CSMD3: variants seen among roughly 807,000 people sequenced by gnomAD.
CSMD3 encodes CUB and sushi domain-containing protein 3.
In CSMD3, 177 loss-of-function variants were observed where a neutral mutation model predicts 435.2. The ratio of observed to expected loss-of-function variants is 0.41; its 90% confidence interval spans 0.36 to 0.46. The LOEUF is 0.46. CSMD3 is among the 20% of genes least tolerant of loss of function. The probability of loss-of-function intolerance (pLI) is 0.34; values close to 1 mark genes in which losing one functional copy is unlikely to be tolerated. For missense variants in CSMD3, 4,265 were observed against 4,504.6 expected (o/e 0.95, Z 1.52); for synonymous variants, 1,656 against 1,520.5 (o/e 1.09, Z -2.07).
At chr8:113,358,405 T>C (rs1453275265) in intron 1 of CSMD3, among the ~76,000 whole-genome samples, 1 of 152,092 alleles carries the variant, frequency 6.6e-6, no homozygotes, top group Non-Finnish European at 1.5e-5. Context: ...CAGGCTGGAG[T>C]GCAGTGGCAT....
intron 4 of CSMD3, among the ~76,000 whole-genome samples, chr8:113,101,002 T>C (rs1330589023): frequency 6.6e-6 from 1 of 152,094 alleles, no homozygotes; most frequent in Non-Finnish European, 1.5e-5. Flanking sequence ...CTGAGATCTC[T>C]ATGAGCCTCC....
intron 17 of CSMD3, among the ~76,000 whole-genome samples, chr8:112,663,143 C>A (rs910723555): frequency 6.6e-6 from 1 of 152,058 alleles, no homozygotes; most frequent in Non-Finnish European, 1.5e-5. Context: ...TGGGTATATA[C>A]CCAAAGGATT....
chr8:112,743,252 C>T (rs1197982258), intron 13 of CSMD3, among the ~76,000 whole-genome samples: 2 of 150,456 alleles, frequency 1.3e-5, no homozygotes, highest in East Asian at 2.0e-4. Context: ...ATAATTTCCT[C>T]ATATTATAAA....
At chr8:113,027,476 T>C (rs2086917397) in intron 5 of CSMD3, among the ~76,000 whole-genome samples, 1 of 152,126 alleles carries the variant, frequency 6.6e-6, no homozygotes, top group African/African-American at 2.4e-5. Context: ...GTATGTAGAG[T>C]GTACAGATGT....
chr8:113,347,423 A>G (rs1458526554), intron 1 of CSMD3, among the ~76,000 whole-genome samples: 2 of 152,142 alleles, frequency 1.3e-5, no homozygotes, highest in East Asian at 3.9e-4. Context: ...AAGGCGTGTA[A>G]AGGTGAAAAT....
In CSMD3 at chr8:112,244,375, T is replaced by C; in HGVS notation, c.10402+19A>G. On this transcript the variant is annotated intron_variant, in intron 65 of 70. Transcript: ENST00000297405. ...AGTGCAATCTCTTGTGTTAAAAAGA[T>C]TCTATAGAGAAAACTTACCTTCACA... 1 of 1,599,424 alleles carries C rather than the reference T, an allele frequency of 6.3e-7. No individual in the cohort carries two copies. Among genetic ancestry groups the C allele is most frequent in the Non-Finnish European group, 8.6e-7 (1 of 1,167,434 alleles).
chr8:112,681,287 C>T (rs181873704), intron 16 of CSMD3, among the ~76,000 whole-genome samples: 44 of 151,684 alleles, frequency 2.9e-4, no homozygotes, highest in African/African-American at 1.0e-3. Context: ...CTCCTGATCT[C>T]GTGATCCGCC....
At chr8:113,298,997 A>G (rs992334525) in intron 2 of CSMD3, among the ~76,000 whole-genome samples, 6 of 152,208 alleles carry the variant, frequency 3.9e-5, no homozygotes, top group Admixed American at 2.0e-4. Flanking sequence ...TTTATACTGT[A>G]GTCTAACAGA....
chr8:112,921,471 A>AT (rs1201339610), intron 10 of CSMD3, among the ~76,000 whole-genome samples, 156 bp downstream of exon 10: 1 of 152,028 alleles, frequency 6.6e-6, no homozygotes, highest in Non-Finnish European at 1.5e-5. Flanking sequence ...ATTGATTCAC[A>AT]TTTTGCAGAT....
intron 13 of CSMD3, among the ~76,000 whole-genome samples, chr8:112,708,960 T>G (rs2076555314): frequency 6.6e-6 from 1 of 152,072 alleles, no homozygotes; most frequent in African/African-American, 2.4e-5. Context: ...TCCTTCCTTC[T>G]TTATTAACTA....
intron 22 of CSMD3, among the ~76,000 whole-genome samples, chr8:112,615,066 T>C (rs974280815): frequency 3.3e-5 from 5 of 152,104 alleles, no homozygotes; most frequent in Non-Finnish European, 5.9e-5. Context: ...TTATAGAATA[T>C]ACAGTTTAAA....
At chr8:113,213,673 C>T (rs1250774990) in intron 3 of CSMD3, among the ~76,000 whole-genome samples, 1 of 151,778 alleles carries the variant, frequency 6.6e-6, no homozygotes, top group Non-Finnish European at 1.5e-5. Flanking sequence ...AATTATGAAG[C>T]CCATACAGCA....
At chr8:113,158,377 G>T (rs1410857504) in intron 4 of CSMD3, among the ~76,000 whole-genome samples, 2 of 151,910 alleles carry the variant, frequency 1.3e-5, no homozygotes, top group African/African-American at 4.8e-5. Flanking sequence ...TGAAGTACAT[G>T]TATCATAAGG....
rs191015519 is a variant in CSMD3 at position 113,155,793 on chromosome 8, T to A, written c.709+17929A>T. On this transcript the variant is annotated intron_variant, in intron 4 of 70. Transcript: ENST00000297405. The stretch of plus-strand genomic sequence containing the variant: ...CTAATATGTATGGTAGAAAGTTTAA[T>A]ACAGATATATTCAGTATGTAACTGA... Among the ~76,000 whole-genome samples the A allele has an allele frequency of 5.2e-3, 788 of 152,148 alleles. 11 individuals carry two copies. The highest frequency in any genetic ancestry group is 0.018 in the African/African-American group (762 of 41,554).
intron 24 of CSMD3, among the ~76,000 whole-genome samples, chr8:112,562,786 T>C (rs1342032182): frequency 6.6e-6 from 1 of 151,776 alleles, no homozygotes; most frequent in Non-Finnish European, 1.5e-5. Context: ...TAAAATTCTT[T>C]ATATTTAAGT....
At chr8:112,591,234 C>G (rs897490781) in intron 22 of CSMD3, among the ~76,000 whole-genome samples, 4 of 151,630 alleles carry the variant, frequency 2.6e-5, no homozygotes, top group African/African-American at 9.7e-5. Flanking sequence ...TTCGAGTTAC[C>G]AATATGAAAC....
intron 12 of CSMD3, among the ~76,000 whole-genome samples, chr8:112,805,979 A>T (rs187988718): frequency 3.3e-5 from 5 of 152,286 alleles, no homozygotes; most frequent in Non-Finnish European, 7.4e-5. Flanking sequence ...CCCCTTCACA[A>T]GGGCATAAGC....
intron 13 of CSMD3, among the ~76,000 whole-genome samples, chr8:112,713,120 C>T (rs2076646029): frequency 6.6e-6 from 1 of 151,956 alleles, no homozygotes; most frequent in Non-Finnish European, 1.5e-5. Flanking sequence ...CAGTGTGGTG[C>T]AGCAGCCCAC....
At chr8:112,537,021 G>C (rs1314487539) in intron 27 of CSMD3, among the ~76,000 whole-genome samples, 1 of 151,922 alleles carries the variant, frequency 6.6e-6, no homozygotes, top group Non-Finnish European at 1.5e-5. Flanking sequence ...GACCATTTTG[G>C]GGTAGGGGGA....
Sources: allele counts gnomAD v4.1 joint callset (sites outside exome capture counted in the v4.1 genomes callset), GRCh38; gene constraint gnomAD v4.1.1; transcripts MANE v1.5; gene names NCBI Gene and HGNC (gene_info 2026-07-23, HGNC 2026-07-21).